The following PCNT variants were observed in gnomAD, a reference collection of about 807,000 sequenced individuals.
The protein encoded by PCNT is pericentrin.
Under a neutral mutation model 380.4 loss-of-function variants are expected in PCNT, and 319 were observed. The ratio of observed to expected loss-of-function variants is 0.84; its 90% confidence interval spans 0.77 to 0.92. The LOEUF (loss-of-function observed/expected upper bound fraction) is 0.92, where lower values mean the gene tolerates loss of function less well. Ranked by LOEUF, PCNT falls within the 40% of genes least tolerant of loss-of-function variation. PCNT has a pLI of 0.00. For missense variants in PCNT, 4,400 were observed against 4,255.3 expected (o/e 1.03, Z -0.95); for synonymous variants, 1,845 against 1,735.2 (o/e 1.06, Z -1.57).
intron 15 of PCNT, among the ~76,000 whole-genome samples, chr21:46,368,008 C>T (rs934565485): frequency 1.3e-5 from 2 of 152,082 alleles, no homozygotes; most frequent in African/African-American, 2.4e-5. Context: ...AAAAACAATT[C>T]ACCGGGCGTG....
At chr21:46,430,997 G>C (rs2087738623) in intron 37 of PCNT, 1 of 985,466 alleles carries the variant, frequency 1.0e-6, no homozygotes, top group Non-Finnish European at 1.2e-6. Context: ...GCAGGCTGGT[G>C]GTGGGGCCTC....
At chr21:46,429,849 ATCCTGGT>A (rs912317755) in intron 35 of PCNT, among the ~76,000 whole-genome samples, 154 bp from the exon 36 acceptor site, 4 of 152,096 alleles carry the variant, frequency 2.6e-5, no homozygotes, top group African/African-American at 9.7e-5. Flanking sequence ...AGAATTGAGC[ATCCTGGT>A]TCCACCCGCA....
chr21:46,444,775 T>G lies in PCNT; in HGVS notation c.9921T>G (p.Ile3307Met). ...CAGAACATTCCTTGACAGAGTATAT[T>G]CACCATTTAGAAGTGATCCAGCAAA... Reference protein sequence around the residue: ...QDPEHSLTEYIHHLEVIQQRL... With the variant: ...QDPEHSLTEYMHHLEVIQQRL... The change falls in exon 46 of 47, where the codon ATT (isoleucine) becomes ATG (methionine). Residue 3307 changes from isoleucine to methionine, a missense_variant. Ile to Met is a conservative substitution (Grantham distance 10). Coordinates refer to ENST00000359568, the MANE Select transcript of PCNT (RefSeq NM_006031.6). The G allele has an allele frequency of 1.2e-6, 2 of 1,613,362 alleles. No homozygotes were observed. Among genetic ancestry groups the G allele is most frequent in the East Asian group, 2.2e-5 (1 of 44,870 alleles).
chr21:46,404,625 C>G (rs575534254), intron 27 of PCNT, among the ~76,000 whole-genome samples: 51 of 152,298 alleles, frequency 3.3e-4, no homozygotes, highest in Non-Finnish European at 5.3e-4. Flanking sequence ...CTTCTGTTTC[C>G]TCATACAATA....
At chr21:46,326,643 T>G in intron 2 of PCNT, 54 bp downstream of exon 2, 3 of 1,529,590 alleles carry the variant, frequency 2.0e-6, no homozygotes, top group Non-Finnish European at 2.7e-6. Context: ...TAGTGATTTC[T>G]AGTGTGATTT....
rs917797500 is a variant in PCNT, at chr21:46,425,001, C to T, written c.7180-830C>T. Among the ~76,000 whole-genome samples, 2 of 152,154 alleles carry T rather than the reference C, an allele frequency of 1.3e-5. No homozygotes were observed. Among genetic ancestry groups the T allele is most frequent in the African/African-American group, 4.8e-5 (2 of 41,420 alleles). On this transcript the variant is annotated intron_variant, in intron 32 of 46. Transcript: ENST00000359568. This position sits in a 1 kb window ranked among gnomAD's most constrained non-coding sequence, Gnocchi z 4.2. The stretch of plus-strand genomic sequence containing the variant: ...AGTCAGTCACACCCGTCGTAGGCTT[C>T]ATCATTGCCTCATTTTGCATTTCCC...
intron 13 of PCNT, among the ~76,000 whole-genome samples, chr21:46,361,617 A>C (rs188345870): frequency 1.3e-5 from 2 of 152,272 alleles, no homozygotes; most frequent in East Asian, 3.9e-4. Flanking sequence ...GTTTGAAAGA[A>C]ATTAAGAGGA....
intron 38 of PCNT, among the ~76,000 whole-genome samples, chr21:46,435,436 G>T (rs1337900614): frequency 1.3e-5 from 2 of 151,864 alleles, no homozygotes; most frequent in African/African-American, 4.8e-5. Flanking sequence ...ATGTTGGCCA[G>T]ACTGGTCTCG....
intron 2 of PCNT, among the ~76,000 whole-genome samples, chr21:46,327,011 T>A (rs1277133943): frequency 1.4e-5 from 2 of 146,682 alleles, no homozygotes; most frequent in Non-Finnish European, 1.5e-5. Flanking sequence ...AGACTCTCTC[T>A]CAAAAAAAAA....
chr21:46,412,976 T>C lies in PCNT; in HGVS notation c.6134T>C (p.Leu2045Pro). 2 of 1,608,242 alleles carry C rather than the reference T, an allele frequency of 1.2e-6. No homozygotes were observed. The highest frequency in any genetic ancestry group is 1.7e-6 in the Non-Finnish European group (2 of 1,179,544). ...LLVKNEMRLSLEDGGKGKEKV... is the reference protein window; with the variant it reads ...LLVKNEMRLSPEDGGKGKEKV... ...GTGAAAAATGAAATGCGCCTGAGTC[T>C]GGAGGACGGCGGCAAGGTGTGGGGA... Residue 2045 changes from leucine to proline, a missense_variant, in exon 29 of 47, where the codon CTG becomes CCG. Transcript: ENST00000359568.
chr21:46,328,534 C>T (rs2083458600), intron 2 of PCNT, among the ~76,000 whole-genome samples: 1 of 152,014 alleles, frequency 6.6e-6, no homozygotes, highest in South Asian at 2.1e-4. Context: ...AGTCCTGGCT[C>T]ACTGTAACCT....
chr21:46,431,549 GAC>G lies in PCNT; in HGVS notation c.8089_8090del (p.Gln2697AlafsTer45), dbSNP rs761762332. ...TCTAGGAGCTGCGGGCGTCTTTGGA[GAC>G]ACAGCGTGCTCAGAGCAGTCGACTC... ...ALEELRASLETQRAQSSRLCV... is the reference protein window; with the variant it reads ...ALEELRASLEXQRAQSSRLCV... On this transcript the variant is annotated frameshift_variant, in exon 38 of 47. Coordinates refer to ENST00000359568, the MANE Select transcript of PCNT (RefSeq NM_006031.6). LOFTEE classifies it high-confidence loss of function. 9 of 1,614,068 alleles carry G rather than the reference GAC, an allele frequency of 5.6e-6. No individual in the cohort carries two copies. In the South Asian group the frequency reaches 8.8e-5, roughly 16 times the overall value.
intron 11 of PCNT, among the ~76,000 whole-genome samples, chr21:46,354,606 T>G (rs954573895): frequency 1.3e-5 from 2 of 152,044 alleles, no homozygotes; most frequent in Non-Finnish European, 2.9e-5. Flanking sequence ...GCAAGCCCGG[T>G]GTCGGGCTCC....
At chr21:46,431,391 C>T in intron 37 of PCNT, 138 bp from the exon 38 acceptor site, 1 of 1,509,124 alleles carries the variant, frequency 6.6e-7, no homozygotes, top group South Asian at 1.3e-5. Context: ...AAATGTTGTC[C>T]CTACATGTGG....
At chr21:46,402,950 A>G (rs73379336) in intron 27 of PCNT, among the ~76,000 whole-genome samples, 19,688 of 152,240 alleles carry the variant, frequency 0.13, 3,560 homozygotes, top group African/African-American at 0.41. Flanking sequence ...TAAAAAATCT[A>G]TTTTTAAATC....
intron 27 of PCNT, among the ~76,000 whole-genome samples, chr21:46,404,675 C>T (rs1235185544): frequency 6.6e-6 from 1 of 152,152 alleles, no homozygotes. Flanking sequence ...CAGTTGGGCA[C>T]GGTGGCTCAA....
At chr21:46,374,979 A>G (rs1196785978) in intron 15 of PCNT, among the ~76,000 whole-genome samples, 1 of 152,192 alleles carries the variant, frequency 6.6e-6, no homozygotes, top group Non-Finnish European at 1.5e-5. Context: ...TGAGCCTCAA[A>G]TATCTTTGCA....
At chr21:46,426,069 C>CCTTT in intron 33 of PCNT, 98 bp downstream of exon 33, 1 of 306,152 alleles carries the variant, frequency 3.3e-6, no homozygotes, top group Non-Finnish European at 5.5e-6. Flanking sequence ...GGATTTCTTT[C>CCTTT]TTTTTTTTTT....
Position 46,349,110 on chromosome 21 carries a change from A to G in PCNT, c.1131A>G (p.Gln377=). 1 of 1,613,254 alleles carries G rather than the reference A, an allele frequency of 6.2e-7. No homozygotes were observed. Among genetic ancestry groups the G allele is most frequent in the Non-Finnish European group, 8.5e-7 (1 of 1,179,140 alleles). ...ATCAATCAGAAATGGAGGATTTACAAAACCAGTTTCAGAAAGAATTGGCAG... is the reference window on the plus strand; with the variant it reads ...ATCAATCAGAAATGGAGGATTTACAGAACCAGTTTCAGAAAGAATTGGCAG... The part of the protein sequence containing the change: ...AKHQSEMEDL[Q]NQFQKELAEQ... The change falls in exon 7 of 47, where the codon CAA becomes CAG. Residue 377 remains glutamine, a synonymous_variant. Transcript: ENST00000359568.
Sources: allele counts gnomAD v4.1 joint callset (sites outside exome capture counted in the v4.1 genomes callset), GRCh38; gene constraint gnomAD v4.1.1; non-coding constraint Gnocchi (gnomAD v3.1); transcripts MANE v1.5; gene names NCBI Gene and HGNC (gene_info 2026-07-23, HGNC 2026-07-21).